Variants in RFX2 observed in about 807,000 individuals in gnomAD.
RFX2 encodes the protein DNA-binding protein RFX2.
RFX2 carries 20 observed loss-of-function variants against 87.8 expected under a neutral mutation model. The observed-to-expected ratio is 0.23, with a 90% CI of 0.16 to 0.33. RFX2 has a LOEUF of 0.33. Among genes scored for constraint, RFX2 ranks in the 10% least tolerant of loss-of-function variants. The probability of loss-of-function intolerance (pLI) is 1.00; values close to 1 mark genes in which losing one functional copy is unlikely to be tolerated. For synonymous variants in RFX2, 397 were observed against 431.3 expected (o/e 0.92, Z 0.98); for missense variants, 767 against 1,012.3 (o/e 0.76, Z 3.29).
At chr19:6,055,910 C>A (rs1197252558) in intron 1 of RFX2, among the ~76,000 whole-genome samples, 1 of 152,066 alleles carries the variant, frequency 6.6e-6, no homozygotes, top group Non-Finnish European at 1.5e-5. Flanking sequence ...ATTCACAATG[C>A]ATGGATGAAT....
At position 6,039,757 on chromosome 19, in the gene RFX2, C is replaced by T. The variant is rs1360255132; in HGVS notation, c.522+223G>A. Among the ~76,000 whole-genome samples the T allele has an allele frequency of 1.3e-5, 2 of 152,236 alleles. No individual in the cohort carries two copies. The highest frequency in any genetic ancestry group is 2.9e-5 in the Non-Finnish European group (2 of 68,046). Reference sequence around the variant, plus strand: ...AGCCCATGACGCATGGCTTGTCCTCCTCTTTATACCAATGGCCAACTGAAG... The same window carrying T: ...AGCCCATGACGCATGGCTTGTCCTCTTCTTTATACCAATGGCCAACTGAAG... On this transcript the variant is annotated intron_variant, in intron 5 of 17. Coordinates refer to ENST00000303657, the MANE Select transcript of RFX2 (RefSeq NM_000635.4). The surrounding 1 kb of genome is among the most constrained non-coding windows in gnomAD (Gnocchi z 5.2).
At chr19:6,000,480 C>T (rs904182386) in intron 15 of RFX2, among the ~76,000 whole-genome samples, 1 of 152,202 alleles carries the variant, frequency 6.6e-6, no homozygotes, top group African/African-American at 2.4e-5. Context: ...ACCCAAATCT[C>T]ACCTTGAATT....
chr19:6,070,224 G>GT (rs202175788), intron 1 of RFX2, among the ~76,000 whole-genome samples: 14 of 37,062 alleles, frequency 3.8e-4, no homozygotes, highest in East Asian at 1.7e-3. Flanking sequence ...GGGATGGGAT[G>GT]GGATGGGATG....
chr19:6,041,544 CAG>C (rs2087106872), intron 4 of RFX2, among the ~76,000 whole-genome samples: 2 of 151,382 alleles, frequency 1.3e-5, no homozygotes, highest in African/African-American at 4.9e-5. Flanking sequence ...GGAAAACACA[CAG>C]GGGTGGATGG....
intron 5 of RFX2, among the ~76,000 whole-genome samples, chr19:6,034,548 G>A (rs908349557): frequency 6.6e-6 from 1 of 151,884 alleles, no homozygotes; most frequent in Non-Finnish European, 1.5e-5. Context: ...TTTTTGTAGA[G>A]ATGGGGTCTC....
chr19:6,025,942 T>C (rs759756816), intron 6 of RFX2, among the ~76,000 whole-genome samples: 1 of 151,782 alleles, frequency 6.6e-6, no homozygotes, highest in Non-Finnish European at 1.5e-5. Flanking sequence ...CCCACCACCA[T>C]GCCCAGCTAA....
At chr19:6,073,181 T>A in intron 1 of RFX2, 1 of 478,614 alleles carries the variant, frequency 2.1e-6, no homozygotes. Flanking sequence ...GGTTTCACCA[T>A]GTTGGCCAGG....
At chr19:6,038,661 A>G (rs1480582711) in intron 5 of RFX2, among the ~76,000 whole-genome samples, 1 of 152,216 alleles carries the variant, frequency 6.6e-6, no homozygotes, top group Non-Finnish European at 1.5e-5. Flanking sequence ...AACCTAGTTA[A>G]AAAAGAAGCA....
In RFX2 at chr19:6,021,195, C is replaced by G. The variant is rs78378620; in HGVS notation, c.598-4924G>C. On this transcript the variant is annotated intron_variant, in intron 6 of 17. Coordinates refer to ENST00000303657, the MANE Select transcript of RFX2 (RefSeq NM_000635.4). This position sits in a 1 kb window ranked among gnomAD's most constrained non-coding sequence, Gnocchi z 5.7. Reference sequence around the variant, plus strand: ...TAGCAGCTCGGGCAGCTATTCCAACCGTCCAGGTGTGCCCTGTGTTGACAT... The same window carrying G: ...TAGCAGCTCGGGCAGCTATTCCAACGGTCCAGGTGTGCCCTGTGTTGACAT... Among the ~76,000 whole-genome samples, 6 of 152,336 alleles carry G rather than the reference C, an allele frequency of 3.9e-5. No homozygotes were observed. Among genetic ancestry groups the G allele is most frequent in the Non-Finnish European group, 8.8e-5 (6 of 68,042 alleles).
At position 5,997,918 on chromosome 19, in the gene RFX2, C is replaced by G. The variant is rs1292882111; in HGVS notation, c.1860-705G>C. ...GTCCACAGACAGTTTCACTGGCACG[C>G]GTCATGCCCGTTCCTATGTTGTCTT... On this transcript the variant is annotated intron_variant, in intron 15 of 17. Coordinates refer to ENST00000303657, the MANE Select transcript of RFX2 (RefSeq NM_000635.4). This position sits in a 1 kb window ranked among gnomAD's most constrained non-coding sequence, Gnocchi z 4.2. Among the ~76,000 whole-genome samples, 2 of 152,290 alleles carry G rather than the reference C, an allele frequency of 1.3e-5. No homozygotes were observed. The highest frequency in any genetic ancestry group is 2.9e-5 in the Non-Finnish European group (2 of 68,020).
intron 1 of RFX2, among the ~76,000 whole-genome samples, chr19:6,079,031 C>T (rs1015153632): frequency 2.6e-5 from 4 of 152,230 alleles, no homozygotes; most frequent in African/African-American, 7.2e-5. Context: ...CTGCCTCGGC[C>T]TCCCAAAGTG....
chr19:5,995,440 C>G (rs900380068), intron 17 of RFX2, among the ~76,000 whole-genome samples, 161 bp downstream of exon 17: 3 of 152,236 alleles, frequency 2.0e-5, no homozygotes, highest in Non-Finnish European at 4.4e-5. Flanking sequence ...ACCTGCTGCT[C>G]AGGCATCACC....
At chr19:6,107,121 C>T (rs2088228735) in intron 1 of RFX2, among the ~76,000 whole-genome samples, 1 of 151,640 alleles carries the variant, frequency 6.6e-6, no homozygotes, top group African/African-American at 2.4e-5. Flanking sequence ...CAGTGAAACC[C>T]CGTCTCTACT....
At chr19:6,106,861 T>G (rs1452164125) in intron 1 of RFX2, among the ~76,000 whole-genome samples, 1 of 148,174 alleles carries the variant, frequency 6.7e-6, no homozygotes, top group Non-Finnish European at 1.5e-5. Context: ...ATACATGTTT[T>G]AATATTTCAA....
chr19:6,096,300 CA>C (rs1331201777), intron 1 of RFX2, among the ~76,000 whole-genome samples: 2 of 152,192 alleles, frequency 1.3e-5, no homozygotes, highest in South Asian at 2.1e-4. Flanking sequence ...AACAACAAAA[CA>C]AAAACTAATG....
Position 6,013,917 on chromosome 19 carries a change from C to T in RFX2, c.780-812G>A, listed in dbSNP as rs1249244251. On this transcript the variant is annotated intron_variant, in intron 7 of 17. Coordinates refer to ENST00000303657, the MANE Select transcript of RFX2 (RefSeq NM_000635.4). This position sits in a 1 kb window ranked among gnomAD's most constrained non-coding sequence, Gnocchi z 4.1. Reference sequence around the variant, plus strand: ...AGAACACCAGGTCAGCTTTGTTGAGCTCCACATGGCTTATCTCCATTATTA... The same window carrying T: ...AGAACACCAGGTCAGCTTTGTTGAGTTCCACATGGCTTATCTCCATTATTA... Among the ~76,000 whole-genome samples, 1 of 152,174 alleles carries T rather than the reference C, an allele frequency of 6.6e-6. No individual in the cohort carries two copies. Among genetic ancestry groups the T allele is most frequent in the Non-Finnish European group, 1.5e-5 (1 of 68,036 alleles).
chr19:6,040,363 G>T lies in RFX2; in HGVS notation c.261-122C>A. 1.9e-6 allele frequency: 2 copies of T among 1,042,592 alleles called. No homozygotes were observed. Among genetic ancestry groups the T allele is most frequent in the Non-Finnish European group, 2.7e-6 (2 of 742,954 alleles). The allele number at this position is 1,042,592 out of a possible 1,614,324, so 64.6% of individuals were successfully genotyped here. A position where few individuals can be genotyped will look rare whatever the true frequency, so the allele number is the denominator to read the frequency against. ...AACCCAGAGAGGCCAGACATATGGA[G>T]CAATTCGGACGTGGCATATGACACT... is the stretch of plus-strand genomic sequence containing the variant. On this transcript the variant is annotated intron_variant, in intron 4 of 17. Coordinates refer to ENST00000303657, the MANE Select transcript of RFX2 (RefSeq NM_000635.4). The surrounding 1 kb of genome is among the most constrained non-coding windows in gnomAD (Gnocchi z 6.1).
chr19:6,007,732 G>A lies in RFX2; in HGVS notation c.1205C>T (p.Ser402Phe). The A allele has an allele frequency of 6.4e-7, 1 of 1,556,486 alleles. No individual in the cohort carries two copies. Among genetic ancestry groups the A allele is most frequent in the Non-Finnish European group, 8.7e-7 (1 of 1,149,060 alleles). Residue 402 changes from serine (S) to phenylalanine (F), a missense_variant, in exon 11 of 18, where the codon TCT (serine) becomes TTT (phenylalanine). Physicochemically the swap from Ser to Phe is radical, Grantham distance 155 (BLOSUM62 -2). This residue lies in a region of RFX2 where 621 missense variants were observed against 873.0 expected (regional missense o/e 0.71). Coordinates refer to ENST00000303657, the MANE Select transcript of RFX2 (RefSeq NM_000635.4). The surrounding 1 kb of genome is among the most constrained non-coding windows in gnomAD (Gnocchi z 8.2). ...IEKLWLSFWN[S>F]KASSSDGPTS... Reference sequence around the variant, plus strand: ...GGGGCCGTCGCTGGAGGAGGCCTTAGAGTTCCAGAAGGAGAGCCACAGCTT... The same window carrying A: ...GGGGCCGTCGCTGGAGGAGGCCTTAAAGTTCCAGAAGGAGAGCCACAGCTT...
At chr19:6,071,414 C>G (rs373805706) in intron 1 of RFX2, among the ~76,000 whole-genome samples, 4 of 152,148 alleles carry the variant, frequency 2.6e-5, no homozygotes, top group Non-Finnish European at 4.4e-5. Context: ...GAGGCACAGA[C>G]ATATCTCAAT....
Sources: allele counts gnomAD v4.1 joint callset (sites outside exome capture counted in the v4.1 genomes callset), GRCh38; gene constraint gnomAD v4.1.1; regional missense constraint gnomAD v4.1.1; non-coding constraint Gnocchi (gnomAD v3.1); transcripts MANE v1.5; gene names NCBI Gene and HGNC (gene_info 2026-07-23, HGNC 2026-07-21).